Variants in NYAP2 observed in about 807,000 individuals in gnomAD.
NYAP2 encodes the protein neuronal tyrosine-phosphorylated phosphoinositide-3-kinase adaptor 2.
A neutral mutation model predicts 50.4 loss-of-function variants in NYAP2; 23 were observed. That is an observed-to-expected ratio of 0.46 (90% CI 0.33 to 0.65). The LOEUF (loss-of-function observed/expected upper bound fraction) is 0.65. NYAP2 is among the 30% of genes least tolerant of loss of function. The pLI is 0.02. For missense variants in NYAP2, 885 were observed against 861.0 expected (o/e 1.03, Z -0.35); for synonymous variants, 394 against 365.2 (o/e 1.08, Z -0.90).
At chr2:225,459,365 T>C (rs2106152772) in intron 3 of NYAP2, among the ~76,000 whole-genome samples, 1 of 152,314 alleles carries the variant, frequency 6.6e-6, no homozygotes, top group South Asian at 2.1e-4. Flanking sequence ...GTGACTAACA[T>C]AGTACTTCCT....
At chr2:225,409,138 A>T (rs1362269112) in intron 3 of NYAP2, 37 bp downstream of exon 3, 2 of 1,448,612 alleles carry the variant, frequency 1.4e-6, no homozygotes, top group Non-Finnish European at 1.9e-6. Flanking sequence ...TTTTGTGCAC[A>T]TGAGAAAGTC....
the NYAP2 span, among the ~76,000 whole-genome samples, chr2:225,672,911 C>A: frequency 6.6e-6 from 1 of 151,478 alleles, no homozygotes; most frequent in East Asian, 1.9e-4. Flanking sequence ...TGCCCCCAAG[C>A]AATTACAATA....
the NYAP2 span, among the ~76,000 whole-genome samples, chr2:225,679,493 G>GTTTTTTTTTTTTTTTT: frequency 9.6e-6 from 1 of 103,884 alleles, no homozygotes; most frequent in Non-Finnish European, 1.8e-5. Flanking sequence ...GCTTCTAATT[G>GTTTTTTTTTTTTTTTT]TTTTTTTTTT....
At chr2:225,515,428 T>C (rs191045104) in intron 4 of NYAP2, among the ~76,000 whole-genome samples, 13 of 152,282 alleles carry the variant, frequency 8.5e-5, no homozygotes, top group African/African-American at 2.9e-4. Flanking sequence ...CTCAGATTGA[T>C]TGTTTTGCAG....
At chr2:225,675,712 A>G in the NYAP2 span, among the ~76,000 whole-genome samples, 1 of 152,158 alleles carries the variant, frequency 6.6e-6, no homozygotes, top group Non-Finnish European at 1.5e-5. Context: ...TCTTTGAGAA[A>G]TCTCCAAACT....
intron 6 of NYAP2, among the ~76,000 whole-genome samples, chr2:225,644,285 G>T (rs1242488404): frequency 6.6e-6 from 1 of 152,250 alleles, no homozygotes; most frequent in South Asian, 2.1e-4. Context: ...TTTTGATGGG[G>T]TTGTTTGTTT....
intron 5 of NYAP2, among the ~76,000 whole-genome samples, chr2:225,588,822 G>T (rs1692437762): frequency 6.6e-6 from 1 of 152,098 alleles, no homozygotes; most frequent in Admixed American, 6.5e-5. Flanking sequence ...CACAAAGGTG[G>T]TATCATTGTT....
At chr2:225,434,866 A>G (rs757120959) in intron 3 of NYAP2, among the ~76,000 whole-genome samples, 1 of 152,234 alleles carries the variant, frequency 6.6e-6, no homozygotes, top group Non-Finnish European at 1.5e-5. Context: ...CTTGATATAT[A>G]TATAATTAGA....
intron 4 of NYAP2, among the ~76,000 whole-genome samples, chr2:225,537,386 A>C (rs1691370317): frequency 6.6e-6 from 1 of 152,170 alleles, no homozygotes; most frequent in Non-Finnish European, 1.5e-5. Flanking sequence ...CAATTTATAA[A>C]ATAAAGAGAT....
At chr2:225,613,064 T>C (rs943478014) in intron 5 of NYAP2, among the ~76,000 whole-genome samples, 2 of 152,138 alleles carry the variant, frequency 1.3e-5, no homozygotes, top group Non-Finnish European at 2.9e-5. Context: ...TTTAGGAGAA[T>C]TGACTCACAC....
intron 3 of NYAP2, among the ~76,000 whole-genome samples, chr2:225,468,231 C>T (rs933967638): frequency 2.6e-5 from 4 of 152,138 alleles, no homozygotes; most frequent in Non-Finnish European, 4.4e-5. Context: ...ATATGACTGG[C>T]TTCCTTATAA....
At chr2:225,410,173 G>A (rs1338752973) in intron 3 of NYAP2, among the ~76,000 whole-genome samples, 1 of 151,958 alleles carries the variant, frequency 6.6e-6, no homozygotes, top group Non-Finnish European at 1.5e-5. Flanking sequence ...TGATTTGAAA[G>A]CAAAAAACTA....
chr2:225,407,231 C>T (rs1694956523), intron 2 of NYAP2, among the ~76,000 whole-genome samples: 1 of 151,974 alleles, frequency 6.6e-6, no homozygotes, highest in Non-Finnish European at 1.5e-5. Context: ...TCATTTGTAG[C>T]ATTAATTTAC....
At chr2:225,567,809 G>T (rs897113378) in intron 4 of NYAP2, among the ~76,000 whole-genome samples, 1 of 152,152 alleles carries the variant, frequency 6.6e-6, no homozygotes, top group African/African-American at 2.4e-5. Context: ...TGGCCAGAGT[G>T]AAGGGCATAT....
At chr2:225,477,758 T>C (rs1352647966) in intron 3 of NYAP2, among the ~76,000 whole-genome samples, 2 of 152,168 alleles carry the variant, frequency 1.3e-5, no homozygotes, top group Non-Finnish European at 2.9e-5. Flanking sequence ...CACACGCACA[T>C]ATATACACAC....
chr2:225,617,283 G>C (rs1232731310), intron 5 of NYAP2, among the ~76,000 whole-genome samples: 2 of 152,036 alleles, frequency 1.3e-5, no homozygotes, highest in African/African-American at 4.8e-5. Context: ...AAATTAAAAA[G>C]CTGGGTGTGG....
At chr2:225,527,820 C>T (rs1691180611) in intron 4 of NYAP2, among the ~76,000 whole-genome samples, 1 of 152,018 alleles carries the variant, frequency 6.6e-6, no homozygotes, top group Admixed American at 6.6e-5. Flanking sequence ...GCTAATTTTT[C>T]TATTTTTTGT....
At chr2:225,690,084 C>A in the NYAP2 span, among the ~76,000 whole-genome samples, 3 of 152,004 alleles carry the variant, frequency 2.0e-5, no homozygotes, top group African/African-American at 7.2e-5. Flanking sequence ...ATGTTCCTAG[C>A]CTTGAATTTA....
chr2:225,575,317 G>C (rs572084327), intron 4 of NYAP2, among the ~76,000 whole-genome samples: 1 of 152,264 alleles, frequency 6.6e-6, no homozygotes, highest in African/African-American at 2.4e-5. Context: ...ACAAGTTTTA[G>C]ATTTTTGTTA....
Sources: gnomAD v4.1 joint callset for allele counts (sites outside exome capture counted in the v4.1 genomes callset) on GRCh38, gnomAD v4.1.1 for gene constraint, MANE v1.5 for transcripts, NCBI Gene and HGNC (gene_info 2026-07-23, HGNC 2026-07-21) for gene names.